Variants in TTC39A observed in about 807,000 individuals in gnomAD.
TTC39A encodes the protein tetratricopeptide repeat protein 39A.
Under a neutral mutation model 82.3 loss-of-function variants are expected in TTC39A, and 46 were observed. That is an observed-to-expected ratio of 0.56 (90% CI 0.44 to 0.71). The LOEUF is 0.71. Among genes scored for constraint, TTC39A ranks in the 30% least tolerant of loss-of-function variants. The pLI, the probability that TTC39A is intolerant of heterozygous loss-of-function variation, is 0.00. For missense variants in TTC39A, 543 were observed against 712.9 expected (o/e 0.76, Z 2.71); for synonymous variants, 254 against 275.2 (o/e 0.92, Z 0.76).
chr1:51,295,971 A>G, intron 13 of TTC39A, 108 bp downstream of exon 13: 2 of 1,257,072 alleles, frequency 1.6e-6, no homozygotes, highest in Non-Finnish European at 2.3e-6. Context: ...GAGCCACCCT[A>G]CTCCTCCCTC....
intron 5 of TTC39A, among the ~76,000 whole-genome samples, chr1:51,310,782 C>T (rs530200979): frequency 6.6e-6 from 1 of 152,336 alleles, no homozygotes; most frequent in Admixed American, 6.5e-5. Flanking sequence ...TAAGTCTCCC[C>T]TTCACAGGCC....
intron 1 of TTC39A, among the ~76,000 whole-genome samples, chr1:51,344,572 GCTT>G (rs1646074081): frequency 1.3e-5 from 2 of 152,212 alleles, no homozygotes; most frequent in South Asian, 4.1e-4. Flanking sequence ...CAGAGCCCTG[GCTT>G]CATCTGTCCG....
chr1:51,321,562 TG>T lies in TTC39A; in HGVS notation c.146+158del, dbSNP rs1306656004. Among the ~76,000 whole-genome samples, 2 of 152,200 alleles carry T rather than the reference TG, an allele frequency of 1.3e-5. No individual in the cohort carries two copies. Among genetic ancestry groups the T allele is most frequent in the African/African-American group, 4.8e-5 (2 of 41,456 alleles). On this transcript the variant is annotated intron_variant, in intron 2 of 17. Transcript: ENST00000680483. The surrounding 1 kb of genome is among the most constrained non-coding windows in gnomAD (Gnocchi z 4.6). Reference sequence around the variant, plus strand: ...AGAGGGCCTGGCTGCACACAGGCCGTGGAATGGAGCTTGAGCCATTTTTATG... The same window carrying T: ...AGAGGGCCTGGCTGCACACAGGCCGTGAATGGAGCTTGAGCCATTTTTATG...
chr1:51,344,480 G>T (rs1646073325), intron 1 of TTC39A, among the ~76,000 whole-genome samples: 1 of 152,170 alleles, frequency 6.6e-6, no homozygotes, highest in South Asian at 2.1e-4. Context: ...GAGCTGGGGT[G>T]CACATAATTC....
chr1:51,332,669 G>A (rs1645928198), upstream of TTC39A, among the ~76,000 whole-genome samples: 1 of 152,224 alleles, frequency 6.6e-6, no homozygotes, highest in Non-Finnish European at 1.5e-5. Flanking sequence ...GTGCTGCTGA[G>A]TTACCCTGAA....
chr1:51,307,105 G>A (rs564719329), intron 6 of TTC39A, among the ~76,000 whole-genome samples: 2 of 152,306 alleles, frequency 1.3e-5, no homozygotes, highest in Admixed American at 1.3e-4. Flanking sequence ...ATGACCTAAG[G>A]CAGAGTGAAG....
At chr1:51,313,161 A>G (rs1645149535) in intron 2 of TTC39A, among the ~76,000 whole-genome samples, 1 of 152,136 alleles carries the variant, frequency 6.6e-6, no homozygotes, top group Non-Finnish European at 1.5e-5. Flanking sequence ...GAGTGGCCCT[A>G]AGTGATCTAC....
At chr1:51,301,869 G>A (rs1483732149) in intron 11 of TTC39A, 136 bp from the exon 12 acceptor site, 5 of 1,303,116 alleles carry the variant, frequency 3.8e-6, no homozygotes, top group African/African-American at 1.5e-5. Flanking sequence ...AGGCTCAGGT[G>A]GGGCCCCAGG....
intron 1 of TTC39A, among the ~76,000 whole-genome samples, chr1:51,341,154 CTCTG>C (rs200759391): frequency 0.017 from 2,607 of 151,912 alleles, 26 homozygotes; most frequent in Middle Eastern, 0.031. Context: ...AAGAGTGAAA[CTCTG>C]TCTCACAAAA....
rs768871854 is a variant in TTC39A at position 51,305,068 on chromosome 1, G to A, written c.654+13C>T. 6.2e-7 allele frequency: 1 copy of A among 1,613,104 alleles called. No homozygotes were observed. Among genetic ancestry groups the A allele is most frequent in the South Asian group, 1.1e-5 (1 of 91,018 alleles). ...GCTGAGCAGGTCAGGGGTGCTAGGA[G>A]GCAGGTGGTTACCTTGTTTCCTGAA... On this transcript the variant is annotated intron_variant, in intron 8 of 17. Transcript: ENST00000680483.
intron 1 of TTC39A, among the ~76,000 whole-genome samples, chr1:51,329,330 AG>A (rs1645824345): frequency 6.6e-6 from 1 of 152,200 alleles, no homozygotes; most frequent in African/African-American, 2.4e-5. Flanking sequence ...ACTTGAGCCC[AG>A]AACAGGAAAG....
At chr1:51,331,158 T>C (rs1406061526), upstream of TTC39A, 4 of 1,534,316 alleles carry the variant, frequency 2.6e-6, no homozygotes, top group Non-Finnish European at 3.5e-6. Flanking sequence ...ACTCACCTAA[T>C]AAGTGGCAAG....
At chr1:51,325,574 A>G (rs1345332464) in intron 1 of TTC39A, among the ~76,000 whole-genome samples, 2 of 152,142 alleles carry the variant, frequency 1.3e-5, no homozygotes, top group Admixed American at 6.5e-5. Context: ...ACCCCCCCAC[A>G]CCTATTGCAG....
chr1:51,342,400 A>G (rs1232160848), intron 1 of TTC39A, among the ~76,000 whole-genome samples: 1 of 152,228 alleles, frequency 6.6e-6, no homozygotes, highest in Non-Finnish European at 1.5e-5. Flanking sequence ...AATGACTTCA[A>G]TAGATCTTTC....
rs192866041 is a variant in TTC39A at position 51,312,401 on chromosome 1, T to C, written c.279-206A>G. ...AGGCTCAGTGCCTTCACTGGTCAAA[T>C]GGGGACAGTTACCACCTGATCAGTC... On this transcript the variant is annotated intron_variant, in intron 3 of 17. Transcript: ENST00000680483. Among the ~76,000 whole-genome samples, 3 of 152,286 alleles carry C rather than the reference T, an allele frequency of 2.0e-5. No homozygotes were observed. The East Asian group carries it at 5.8e-4, about 29-fold the overall frequency.
At chr1:51,303,881 C>T (rs937414995) in intron 8 of TTC39A, among the ~76,000 whole-genome samples, 1 of 152,184 alleles carries the variant, frequency 6.6e-6, no homozygotes, top group African/African-American at 2.4e-5. Flanking sequence ...TACTCATGAC[C>T]CATGCGCTTT....
chr1:51,331,827 A>C, upstream of TTC39A: 1 of 985,180 alleles, frequency 1.0e-6, no homozygotes, highest in Non-Finnish European at 1.2e-6. Flanking sequence ...AAGGGGAGAG[A>C]CTGGGGAGCT....
At chr1:51,339,993 A>G (rs1646015473) in intron 1 of TTC39A, among the ~76,000 whole-genome samples, 1 of 152,102 alleles carries the variant, frequency 6.6e-6, no homozygotes, top group Non-Finnish European at 1.5e-5. Context: ...TGGTGCCCTT[A>G]TAAAAGAAGT....
Position 51,294,490 on chromosome 1 carries a change from G to T in TTC39A, c.1167C>A (p.Leu389=). Residue 389 remains leucine, a synonymous_variant, in exon 14 of 18, where the codon CTC becomes CTA. Transcript: ENST00000680483. The surrounding 1 kb of genome is among the most constrained non-coding windows in gnomAD (Gnocchi z 4.3). ...TGGGTAGAGATTTCCCAGCAATCTT[G>T]AGCTTCAGGCCTGGCACAGCTCTGC... ...ELFRAVPGLK[L]KIAGKSLPTE... is the part of the protein sequence containing the mutation. The T allele has an allele frequency of 6.2e-7, 1 of 1,614,000 alleles. No homozygotes were observed.
Sources: allele counts gnomAD v4.1 joint callset (sites outside exome capture counted in the v4.1 genomes callset), GRCh38; gene constraint gnomAD v4.1.1; non-coding constraint Gnocchi (gnomAD v3.1); transcripts MANE v1.5; gene names NCBI Gene and HGNC (gene_info 2026-07-23, HGNC 2026-07-21).